ST3GAL1: variants seen among roughly 807,000 people sequenced by gnomAD.
The protein encoded by ST3GAL1 is ST3 beta-galactoside alpha-2,3-sialyltransferase 1.
A neutral mutation model predicts 34.1 loss-of-function variants in ST3GAL1; 16 were observed. That is an observed-to-expected ratio of 0.47 (90% CI 0.32 to 0.71). The LOEUF is 0.71. Among genes scored for constraint, ST3GAL1 ranks in the 30% least tolerant of loss-of-function variants. The probability of loss-of-function intolerance (pLI) is 0.04; values close to 1 mark genes in which losing one functional copy is unlikely to be tolerated. For synonymous variants in ST3GAL1, 191 were observed against 184.7 expected, an observed-to-expected ratio of 1.03 and a Z score of -0.28; for missense variants, 353 against 447.4, an observed-to-expected ratio of 0.79 and a Z score of 1.90.
intron 2 of ST3GAL1, among the ~76,000 whole-genome samples, chr8:133,531,662 G>T (rs1041243147): frequency 6.6e-6 from 1 of 152,028 alleles, no homozygotes; most frequent in Non-Finnish European, 1.5e-5. Context: ...GGCCAGTCAG[G>T]GGGTGAGGGG....
chr8:133,504,354 T>C (rs573017956), intron 2 of ST3GAL1, among the ~76,000 whole-genome samples: 6 of 152,342 alleles, frequency 3.9e-5, no homozygotes, highest in African/African-American at 1.4e-4. Context: ...AAGGCAAATG[T>C]CAAGTTTCTC....
intron 3 of ST3GAL1, among the ~76,000 whole-genome samples, chr8:133,477,189 A>T (rs2130947521): frequency 6.6e-6 from 1 of 152,314 alleles, no homozygotes; most frequent in Middle Eastern, 3.4e-3. Context: ...AAAGTGGGAT[A>T]CTAACACCCC....
intron 1 of ST3GAL1, among the ~76,000 whole-genome samples, chr8:133,559,021 G>A (rs562362216): frequency 3.6e-4 from 48 of 134,838 alleles, no homozygotes; most frequent in African/African-American, 1.4e-3. Context: ...GTCCCAGGGC[G>A]ATAGAGTGTG....
chr8:133,558,336 G>A (rs1563742634), intron 1 of ST3GAL1, among the ~76,000 whole-genome samples: 2 of 152,170 alleles, frequency 1.3e-5, no homozygotes, highest in Non-Finnish European at 2.9e-5. Flanking sequence ...CTGGGAGGTA[G>A]GTACCATTGT....
rs939196476 is a variant in ST3GAL1, at chr8:133,508,576, G to A, written c.-428-9387C>T. Among the ~76,000 whole-genome samples, 4 of 152,190 alleles carry A rather than the reference G, an allele frequency of 2.6e-5. No individual in the cohort carries two copies. The highest frequency in any genetic ancestry group is 9.7e-5 in the African/African-American group (4 of 41,440). ...TTTGAGGCTGATCTCTGCAGCGACTGTAAGGAAGAGACAATCTCAGAAGCA... is the reference window on the plus strand; with the variant it reads ...TTTGAGGCTGATCTCTGCAGCGACTATAAGGAAGAGACAATCTCAGAAGCA... On this transcript the variant is annotated intron_variant, in intron 2 of 9. Transcript: ENST00000522652. This position sits in a 1 kb window ranked among gnomAD's most constrained non-coding sequence, Gnocchi z 4.1.
At chr8:133,545,087 T>C (rs1818640763) in intron 2 of ST3GAL1, among the ~76,000 whole-genome samples, 1 of 152,246 alleles carries the variant, frequency 6.6e-6, no homozygotes, top group Non-Finnish European at 1.5e-5. Context: ...ACATGAACTG[T>C]GATGTGACTG....
Position 133,529,396 on chromosome 8 carries a change from G to A in ST3GAL1, c.-429+16378C>T, listed in dbSNP as rs551326464. Among the ~76,000 whole-genome samples the A allele has an allele frequency of 7.9e-5, 12 of 152,296 alleles. No homozygotes were observed. The South Asian group carries it at 2.3e-3, about 29-fold the overall frequency. On this transcript the variant is annotated intron_variant, in intron 2 of 9. Transcript: ENST00000522652. ...TGCTACCGAGCAAATGTACAAGGTC[G>A]TAAAACTCAGGACCTGCTGGCTGTC...
intron 3 of ST3GAL1, among the ~76,000 whole-genome samples, chr8:133,476,885 A>C (rs1816202454): frequency 1.3e-5 from 2 of 152,232 alleles, no homozygotes; most frequent in African/African-American, 2.4e-5. Context: ...CATTTGTCAA[A>C]GAGCTCGTGA....
At chr8:133,523,607 A>G (rs1237652772) in intron 2 of ST3GAL1, among the ~76,000 whole-genome samples, 1 of 152,188 alleles carries the variant, frequency 6.6e-6, no homozygotes, top group African/African-American at 2.4e-5. Flanking sequence ...GCTCTGTGAC[A>G]AAGCAAAGTC....
At chr8:133,479,143 T>C (rs1816288351) in intron 3 of ST3GAL1, among the ~76,000 whole-genome samples, 1 of 152,230 alleles carries the variant, frequency 6.6e-6, no homozygotes. Context: ...CCATCAAGGT[T>C]GTCCATTCAT....
At position 133,570,559 on chromosome 8, in the gene ST3GAL1, C is replaced by G. The variant is rs1000487537; in HGVS notation, c.-582+1134G>C. Among the ~76,000 whole-genome samples, 1 of 152,114 alleles carries G rather than the reference C, an allele frequency of 6.6e-6. No homozygotes were observed. Among genetic ancestry groups the G allele is most frequent in the Non-Finnish European group, 1.5e-5 (1 of 68,016 alleles). ...TCAGGGCTCCAGCTGACGAGCAGAG[C>G]CAGACGATCCCCACACGCTTCCTGG... On this transcript the variant is annotated intron_variant, in intron 1 of 9. Transcript: ENST00000522652. The surrounding 1 kb of genome is among the most constrained non-coding windows in gnomAD (Gnocchi z 5.6).
chr8:133,530,476 T>C (rs1586645521), intron 2 of ST3GAL1, among the ~76,000 whole-genome samples: 1 of 152,078 alleles, frequency 6.6e-6, no homozygotes, highest in Non-Finnish European at 1.5e-5. Flanking sequence ...AGAGATGGGG[T>C]TTAACCATGT....
intron 1 of ST3GAL1, among the ~76,000 whole-genome samples, chr8:133,550,181 G>C (rs1818799127): frequency 6.6e-6 from 1 of 152,134 alleles, no homozygotes; most frequent in Non-Finnish European, 1.5e-5. Context: ...AGGAGCCCTG[G>C]AAATCTTTTC....
At chr8:133,484,405 G>T (rs1445548391) in intron 3 of ST3GAL1, among the ~76,000 whole-genome samples, 1 of 152,348 alleles carries the variant, frequency 6.6e-6, no homozygotes, top group East Asian at 1.9e-4. Flanking sequence ...CTGAGGGAGG[G>T]CAGGCACCTG....
intron 3 of ST3GAL1, among the ~76,000 whole-genome samples, chr8:133,484,826 C>T (rs1816520802): frequency 6.6e-6 from 1 of 152,166 alleles, no homozygotes; most frequent in African/African-American, 2.4e-5. Context: ...AAGGGGTACT[C>T]CTGGCCTGAT....
chr8:133,563,401 ATT>A (rs1451797536), intron 1 of ST3GAL1, among the ~76,000 whole-genome samples: 2 of 152,164 alleles, frequency 1.3e-5, no homozygotes, highest in African/African-American at 4.8e-5. Flanking sequence ...ATTACATAGG[ATT>A]TGTTTAATAA....
chr8:133,514,927 G>C (rs1817599138), intron 2 of ST3GAL1, among the ~76,000 whole-genome samples: 1 of 152,092 alleles, frequency 6.6e-6, no homozygotes, highest in Non-Finnish European at 1.5e-5. Flanking sequence ...GTCCTCCGAT[G>C]GCCCCCCGCT....
At chr8:133,530,334 TGC>T (rs1818115069) in intron 2 of ST3GAL1, among the ~76,000 whole-genome samples, 2 of 151,650 alleles carry the variant, frequency 1.3e-5, no homozygotes, top group African/African-American at 4.8e-5. Context: ...CAGGCTAAAG[TGC>T]AATGACACCA....
chr8:133,487,811 C>T lies in ST3GAL1; in HGVS notation c.-373-11211G>A, dbSNP rs538213317. On this transcript the variant is annotated intron_variant, in intron 3 of 9. Transcript: ENST00000522652. ...TGGTGAAACCCTATCTATAAAAATA[C>T]AAAAAAATTAGCTGGGTGTGGTGGC... is the stretch of plus-strand genomic sequence containing the variant. Among the ~76,000 whole-genome samples the T allele has an allele frequency of 2.0e-5, 3 of 151,744 alleles. 1 individual carries two copies. The highest frequency in any genetic ancestry group is 7.2e-5 in the African/African-American group (3 of 41,404).
Sources: gnomAD v4.1 joint callset for allele counts (sites outside exome capture counted in the v4.1 genomes callset) on GRCh38, gnomAD v4.1.1 for gene constraint, Gnocchi (gnomAD v3.1) non-coding constraint, MANE v1.5 for transcripts, NCBI Gene and HGNC (gene_info 2026-07-23, HGNC 2026-07-21) for gene names.